The following TRAPPC9 variants were observed in gnomAD, a reference collection of about 807,000 sequenced individuals.
TRAPPC9 encodes IKK2 binding protein.
TRAPPC9 carries 83 observed loss-of-function variants against 124.0 expected under a neutral mutation model. The ratio of observed to expected loss-of-function variants is 0.67; its 90% CI spans 0.56 to 0.80. The LOEUF (loss-of-function observed/expected upper bound fraction) is 0.80, where lower values mean the gene tolerates loss of function less well. Among genes scored for constraint, TRAPPC9 ranks in the 30% least tolerant of loss-of-function variants. The pLI, the probability that TRAPPC9 is intolerant of heterozygous loss-of-function variation, is 0.00. For missense variants in TRAPPC9, 1,302 were observed against 1,508.3 expected (o/e 0.86, Z 2.27); for synonymous variants, 638 against 617.5 (o/e 1.03, Z -0.49).
chr8:140,304,949 A>C (rs1432909427), intron 10 of TRAPPC9, among the ~76,000 whole-genome samples: 1 of 152,168 alleles, frequency 6.6e-6, no homozygotes, highest in Non-Finnish European at 1.5e-5. Flanking sequence ...GCGTTACCGA[A>C]TGCTAACAGC....
At chr8:140,375,644 A>T (rs1199146407) in intron 7 of TRAPPC9, among the ~76,000 whole-genome samples, 1 of 152,208 alleles carries the variant, frequency 6.6e-6, no homozygotes, top group East Asian at 1.9e-4. Flanking sequence ...AATAATGCAA[A>T]CACTGAGCAT....
chr8:139,882,072 C>T (rs1829709447), intron 21 of TRAPPC9, among the ~76,000 whole-genome samples: 1 of 152,162 alleles, frequency 6.6e-6, no homozygotes, highest in African/African-American at 2.4e-5. Flanking sequence ...CACACCAGGG[C>T]TTGGGTATAT....
chr8:139,845,286 G>A (rs969617372), intron 21 of TRAPPC9, among the ~76,000 whole-genome samples: 2 of 152,172 alleles, frequency 1.3e-5, no homozygotes, highest in Admixed American at 1.3e-4. Flanking sequence ...GTACAGTGGT[G>A]GCCCAGGCTG....
chr8:139,817,581 C>T (rs1824937775), intron 21 of TRAPPC9, among the ~76,000 whole-genome samples: 1 of 152,260 alleles, frequency 6.6e-6, no homozygotes, highest in East Asian at 1.9e-4. Flanking sequence ...CGTTCATTAA[C>T]CCCTTACCCG....
At chr8:140,137,585 C>T (rs1218874135) in intron 17 of TRAPPC9, among the ~76,000 whole-genome samples, 1 of 152,248 alleles carries the variant, frequency 6.6e-6, no homozygotes, top group Non-Finnish European at 1.5e-5. Flanking sequence ...GCCACTGCGG[C>T]AGGATCTCCC....
At chr8:139,741,575 C>T (rs1394942233) in intron 21 of TRAPPC9, among the ~76,000 whole-genome samples, 1 of 152,124 alleles carries the variant, frequency 6.6e-6, no homozygotes, top group Non-Finnish European at 1.5e-5. Context: ...TTCAGTGGTT[C>T]GTAGTATATT....
At chr8:139,897,505 G>A (rs1450780893) in intron 20 of TRAPPC9, among the ~76,000 whole-genome samples, 2 of 152,196 alleles carry the variant, frequency 1.3e-5, no homozygotes, top group African/African-American at 4.8e-5. Context: ...CCTGGGAGAG[G>A]AAGGGACAGT....
rs900560218 is a variant in TRAPPC9 at position 139,776,665 on chromosome 8, T to G, written c.3056-44463A>C. Among the ~76,000 whole-genome samples, 1 of 151,928 alleles carries G rather than the reference T, an allele frequency of 6.6e-6. No individual in the cohort carries two copies. The highest frequency in any genetic ancestry group is 1.5e-5 in the Non-Finnish European group (1 of 67,980). ...CTGCCTGTGTGCACGTGTGTGTCTG[T>G]GTGTGTGTGCGCACACACACACAGA... On this transcript the variant is annotated intron_variant, in intron 21 of 22. Coordinates refer to ENST00000438773, the MANE Select transcript of TRAPPC9 (RefSeq NM_001160372.4). This position sits in a 1 kb window ranked among gnomAD's most constrained non-coding sequence, Gnocchi z 4.1.
intron 21 of TRAPPC9, among the ~76,000 whole-genome samples, chr8:139,748,695 T>C (rs1439860231): frequency 6.6e-6 from 1 of 151,966 alleles, no homozygotes; most frequent in Non-Finnish European, 1.5e-5. Flanking sequence ...TAGCGCAGCC[T>C]CTCCTCCCTG....
At chr8:140,407,030 T>C (rs1588297028) in intron 5 of TRAPPC9, among the ~76,000 whole-genome samples, 1 of 152,194 alleles carries the variant, frequency 6.6e-6, no homozygotes, top group Non-Finnish European at 1.5e-5. Flanking sequence ...TATAATGCCA[T>C]AGGGGCAAAA....
At chr8:140,372,646 CA>C (rs1161786231) in intron 7 of TRAPPC9, among the ~76,000 whole-genome samples, 1 of 152,124 alleles carries the variant, frequency 6.6e-6, no homozygotes, top group Non-Finnish European at 1.5e-5. Flanking sequence ...GTGATTGGGT[CA>C]GGGGGTGAAG....
chr8:139,768,865 T>C (rs1338847408), intron 21 of TRAPPC9, among the ~76,000 whole-genome samples: 6 of 152,086 alleles, frequency 3.9e-5, no homozygotes, highest in Admixed American at 3.3e-4. Flanking sequence ...TTCAAAGACA[T>C]ACAAAGTAAA....
At chr8:140,299,310 G>T (rs2065899929) in intron 11 of TRAPPC9, among the ~76,000 whole-genome samples, 1 of 152,310 alleles carries the variant, frequency 6.6e-6, no homozygotes. Flanking sequence ...GGCAGGGGGG[G>T]GTCAGGGAGC....
intron 17 of TRAPPC9, among the ~76,000 whole-genome samples, chr8:140,213,159 T>C (rs895219738): frequency 1.3e-5 from 2 of 152,032 alleles, no homozygotes; most frequent in Non-Finnish European, 2.9e-5. Flanking sequence ...ATATTTTCCA[T>C]TTCAATTTTC....
chr8:139,992,113 C>G (rs936643641), intron 18 of TRAPPC9, among the ~76,000 whole-genome samples: 1 of 152,120 alleles, frequency 6.6e-6, no homozygotes, highest in Non-Finnish European at 1.5e-5. Flanking sequence ...TACAATCAAT[C>G]CCAGTCATAC....
intron 10 of TRAPPC9, among the ~76,000 whole-genome samples, chr8:140,306,346 T>C (rs979745541): frequency 6.6e-6 from 1 of 151,770 alleles, no homozygotes; most frequent in Admixed American, 6.6e-5. Context: ...ATACAAAAAT[T>C]AGCCAGGCAT....
chr8:140,331,678 G>C (rs1269019471), intron 9 of TRAPPC9, among the ~76,000 whole-genome samples: 6 of 151,658 alleles, frequency 4.0e-5, no homozygotes, highest in Admixed American at 3.3e-4. Context: ...GACGTGAATA[G>C]ACATTTCTCG....
At chr8:140,454,091 C>A (rs1021935782) in intron 1 of TRAPPC9, among the ~76,000 whole-genome samples, 2 of 151,928 alleles carry the variant, frequency 1.3e-5, no homozygotes, top group Admixed American at 1.3e-4. Flanking sequence ...CAGTTAGAGA[C>A]CAGCCTGGTC....
intron 20 of TRAPPC9, 150 bp from the exon 21 acceptor site, chr8:139,886,119 C>A: frequency 1.3e-6 from 1 of 751,540 alleles, no homozygotes; most frequent in Non-Finnish European, 2.4e-6. Flanking sequence ...ACCACTATGA[C>A]ATCACCCTGG....
Sources: allele counts gnomAD v4.1 joint callset (sites outside exome capture counted in the v4.1 genomes callset), GRCh38; gene constraint gnomAD v4.1.1; non-coding constraint Gnocchi (gnomAD v3.1); transcripts MANE v1.5; gene names NCBI Gene and HGNC (gene_info 2026-07-23, HGNC 2026-07-21).